Variants in CNTN4 observed in about 807,000 individuals in gnomAD.
CNTN4 encodes contactin-4.
Under a neutral mutation model 122.5 loss-of-function variants are expected in CNTN4, and 77 were observed. The ratio of observed to expected loss-of-function variants is 0.63; its 90% CI spans 0.52 to 0.76. The LOEUF is 0.76. CNTN4 is among the 30% of genes least tolerant of loss of function. CNTN4 has a pLI of 0.00. For missense variants in CNTN4, 1,256 were observed against 1,259.1 expected, an observed-to-expected ratio of 1.00 and a Z score of 0.04; for synonymous variants, 512 against 447.0, an observed-to-expected ratio of 1.15 and a Z score of -1.83.
At chr3:2,382,286 C>G (rs1250080086) in intron 3 of CNTN4, among the ~76,000 whole-genome samples, 1 of 151,808 alleles carries the variant, frequency 6.6e-6, no homozygotes. Context: ...TCTCCTGCCT[C>G]AGCCTCCCGA....
intron 14 of CNTN4, among the ~76,000 whole-genome samples, chr3:3,011,044 G>C (rs950159391): frequency 6.6e-6 from 1 of 152,182 alleles, no homozygotes; most frequent in African/African-American, 2.4e-5. Context: ...GACCCTGTGA[G>C]GTAAGCAATC....
chr3:2,190,971 C>T (rs1185361416), intron 2 of CNTN4, among the ~76,000 whole-genome samples: 1 of 152,120 alleles, frequency 6.6e-6, no homozygotes, highest in East Asian at 1.9e-4. Context: ...TTTCACCTCA[C>T]CAGTTCAAGA....
At chr3:2,533,983 T>C (rs1337048918) in intron 3 of CNTN4, among the ~76,000 whole-genome samples, 2 of 152,090 alleles carry the variant, frequency 1.3e-5, no homozygotes, top group Non-Finnish European at 2.9e-5. Context: ...TTGTTTGAGT[T>C]CTTTGTAGAT....
chr3:2,931,089 C>T (rs2094516394), intron 13 of CNTN4, among the ~76,000 whole-genome samples: 1 of 152,120 alleles, frequency 6.6e-6, no homozygotes, highest in Non-Finnish European at 1.5e-5. Flanking sequence ...AGAAAAATTA[C>T]TGTGCCTGCA....
intron 2 of CNTN4, among the ~76,000 whole-genome samples, chr3:2,192,526 C>G (rs1161671705): frequency 6.6e-6 from 1 of 151,998 alleles, no homozygotes; most frequent in East Asian, 1.9e-4. Context: ...AAAATTTTTG[C>G]AATCTACTCA....
At chr3:2,713,625 ACC>A (rs2087290115) in intron 4 of CNTN4, among the ~76,000 whole-genome samples, 5 of 152,200 alleles carry the variant, frequency 3.3e-5, no homozygotes, top group African/African-American at 1.2e-4. Context: ...TCAGGGGAGA[ACC>A]ACAGGAGGAG....
chr3:2,710,117 T>C (rs1205843499), intron 4 of CNTN4, among the ~76,000 whole-genome samples: 1 of 152,170 alleles, frequency 6.6e-6, no homozygotes, highest in Non-Finnish European at 1.5e-5. Flanking sequence ...GAACATGCTA[T>C]CTAATGAAAA....
intron 4 of CNTN4, among the ~76,000 whole-genome samples, chr3:2,677,335 T>A (rs2084913901): frequency 6.7e-6 from 1 of 148,924 alleles, no homozygotes; most frequent in African/African-American, 2.5e-5. Flanking sequence ...TGAGATTTTT[T>A]TTTTTTGTGG....
Position 2,584,675 on chromosome 3 carries a change from T to G in CNTN4, c.55+13117T>G, listed in dbSNP as rs531606778. 3.7e-5 allele frequency among the ~76,000 whole-genome samples: 4 copies of G among 108,846 alleles called. No individual in the cohort carries two copies. In the East Asian group the frequency reaches 7.5e-4, roughly 20 times the overall value. The allele number at this position is 108,846 out of a possible 152,430, so 71.4% of individuals were successfully genotyped here. ...TCGTGCCACTGTACTCCAGCCTGGA[T>G]GACAAAAGCAAAACTCCGTCTCAAA... On this transcript the variant is annotated intron_variant, in intron 4 of 24. Transcript: ENST00000418658.
At chr3:2,426,704 C>G (rs567796923) in intron 3 of CNTN4, among the ~76,000 whole-genome samples, 2 of 152,208 alleles carry the variant, frequency 1.3e-5, no homozygotes, top group South Asian at 4.1e-4. Flanking sequence ...TGGTCCTGGA[C>G]TTTTTTTGGT....
chr3:2,790,054 A>G (rs560327560), intron 6 of CNTN4, among the ~76,000 whole-genome samples: 1 of 152,292 alleles, frequency 6.6e-6, no homozygotes, highest in African/African-American at 2.4e-5. Flanking sequence ...ATGCCACGTT[A>G]CACAATTTAC....
At position 2,427,959 on chromosome 3, in the gene CNTN4, G is replaced by A. The variant is rs1022262089; in HGVS notation, c.-89+88726G>A. Among the ~76,000 whole-genome samples the A allele has an allele frequency of 8.4e-4, 128 of 151,948 alleles. 4 individuals are homozygous for A. The highest frequency in any genetic ancestry group is 3.0e-3 in the African/African-American group (125 of 41,274). ...CTCCATCCCTTTATTTTGAGCCTATGTGTGTCTCTTCACGTGAGATGGGTG... is the reference window on the plus strand; with the variant it reads ...CTCCATCCCTTTATTTTGAGCCTATATGTGTCTCTTCACGTGAGATGGGTG... On this transcript the variant is annotated intron_variant, in intron 3 of 24. Transcript: ENST00000418658.
At chr3:2,309,061 GCTT>G (rs2042821010) in intron 2 of CNTN4, among the ~76,000 whole-genome samples, 5 of 152,018 alleles carry the variant, frequency 3.3e-5, no homozygotes, top group South Asian at 2.1e-4. Context: ...GGATTTTGAA[GCTT>G]TTCAACTATT....
intron 7 of CNTN4, among the ~76,000 whole-genome samples, chr3:2,846,002 A>T (rs2093449500): frequency 6.6e-6 from 1 of 152,216 alleles, no homozygotes; most frequent in Non-Finnish European, 1.5e-5. Context: ...TGTCTTCAGT[A>T]ATCAACCCTT....
chr3:2,542,199 A>G (rs1324124676), intron 3 of CNTN4, among the ~76,000 whole-genome samples: 1 of 152,128 alleles, frequency 6.6e-6, no homozygotes, highest in Non-Finnish European at 1.5e-5. Context: ...CAAAGATGCT[A>G]GAAGTAAGAC....
chr3:2,476,856 G>A (rs1316068357), intron 3 of CNTN4, among the ~76,000 whole-genome samples: 2 of 152,096 alleles, frequency 1.3e-5, no homozygotes, highest in East Asian at 3.8e-4. Flanking sequence ...ATAATTGTTG[G>A]TATCATTTTA....
intron 4 of CNTN4, among the ~76,000 whole-genome samples, chr3:2,685,373 T>C (rs73005929): frequency 0.098 from 14,913 of 152,190 alleles, 1,906 homozygotes; most frequent in African/African-American, 0.29. Context: ...AATTCAAGAA[T>C]ACACGTAAAT....
At chr3:2,438,921 T>G (rs932673404) in intron 3 of CNTN4, among the ~76,000 whole-genome samples, 4 of 152,208 alleles carry the variant, frequency 2.6e-5, no homozygotes, top group Non-Finnish European at 5.9e-5. Flanking sequence ...GTATCTTCAA[T>G]TCTACTTTTT....
At chr3:2,130,746 A>G (rs2034411843) in intron 2 of CNTN4, among the ~76,000 whole-genome samples, 1 of 152,168 alleles carries the variant, frequency 6.6e-6, no homozygotes, top group Non-Finnish European at 1.5e-5. Flanking sequence ...AGGTTTTTTG[A>G]ATAATAGTAA....
Sources: gnomAD v4.1 joint callset for allele counts (sites outside exome capture counted in the v4.1 genomes callset) on GRCh38, gnomAD v4.1.1 for gene constraint, MANE v1.5 for transcripts, NCBI Gene and HGNC (gene_info 2026-07-23, HGNC 2026-07-21) for gene names.